The following MAST4 variants were observed in gnomAD, a reference collection of about 807,000 sequenced individuals.
The protein encoded by MAST4 is microtubule associated serine/threonine kinase family member 4.
Under a neutral mutation model 162.7 loss-of-function variants are expected in MAST4, and 89 were observed. That is an observed-to-expected ratio of 0.55 (90% CI 0.46 to 0.65). The LOEUF is 0.65. Ranked by LOEUF, MAST4 falls within the 30% of genes least tolerant of loss-of-function variation. The pLI is 0.00. For missense variants in MAST4, 3,153 were observed against 3,374.0 expected, an observed-to-expected ratio of 0.93 and a Z score of 1.62; for synonymous variants, 1,479 against 1,361.1, an observed-to-expected ratio of 1.09 and a Z score of -1.91.
intron 5 of MAST4, among the ~76,000 whole-genome samples, chr5:67,083,733 G>T (rs1762925632): frequency 6.6e-6 from 1 of 152,126 alleles, no homozygotes; most frequent in African/African-American, 2.4e-5. Context: ...TCATGAAATT[G>T]CATGATGCTT....
At chr5:66,665,364 G>A (rs1747186247) in intron 1 of MAST4, among the ~76,000 whole-genome samples, 1 of 152,124 alleles carries the variant, frequency 6.6e-6, no homozygotes, top group African/African-American at 2.4e-5. Flanking sequence ...GGATCCAGTG[G>A]CAAGAACAAG....
At chr5:66,602,314 C>T (rs956039981) in intron 1 of MAST4, among the ~76,000 whole-genome samples, 25 of 152,106 alleles carry the variant, frequency 1.6e-4, no homozygotes, top group Non-Finnish European at 2.9e-4. Flanking sequence ...GGTACTAACA[C>T]GCATTACCAG....
intron 7 of MAST4, among the ~76,000 whole-genome samples, chr5:67,097,512 G>A (rs775772795): frequency 6.6e-6 from 1 of 151,908 alleles, no homozygotes; most frequent in Non-Finnish European, 1.5e-5. Context: ...AATTTACATG[G>A]CATTTTTTCA....
intron 3 of MAST4, among the ~76,000 whole-genome samples, chr5:66,836,652 A>G (rs1757987035): frequency 6.6e-6 from 1 of 152,168 alleles, no homozygotes; most frequent in Admixed American, 6.5e-5. Flanking sequence ...AGCAACATGG[A>G]TGGACCTGGA....
At chr5:66,873,645 T>TGA (rs1046318341) in intron 3 of MAST4, among the ~76,000 whole-genome samples, 6 of 152,210 alleles carry the variant, frequency 3.9e-5, no homozygotes, top group African/African-American at 1.4e-4. Context: ...TGGACTTGGG[T>TGA]GATCATTTAA....
chr5:66,611,740 A>T (rs867464291), intron 1 of MAST4, among the ~76,000 whole-genome samples: 3 of 152,248 alleles, frequency 2.0e-5, no homozygotes, highest in Non-Finnish European at 4.4e-5. Context: ...AAAACCTGTA[A>T]TCAGATGGGC....
chr5:66,917,592 T>C (rs540042905), intron 4 of MAST4, among the ~76,000 whole-genome samples: 2 of 77,142 alleles, frequency 2.6e-5, no homozygotes, highest in East Asian at 2.6e-4. Context: ...AGGATTCTCT[T>C]TCTTTTTTTT....
At chr5:66,914,430 T>C (rs1368311449) in intron 4 of MAST4, among the ~76,000 whole-genome samples, 6 of 152,098 alleles carry the variant, frequency 3.9e-5, no homozygotes, top group African/African-American at 1.4e-4. Context: ...AGGGACGTAG[T>C]TGGGTGGGTG....
intron 3 of MAST4, among the ~76,000 whole-genome samples, chr5:66,834,188 A>C (rs2149766558): frequency 6.6e-6 from 1 of 152,258 alleles, no homozygotes; most frequent in Admixed American, 6.5e-5. Context: ...GGTTTGTTGT[A>C]AAAAGGATGA....
intron 4 of MAST4, among the ~76,000 whole-genome samples, chr5:66,926,620 A>T (rs529587464): frequency 1.3e-5 from 2 of 151,642 alleles, no homozygotes; most frequent in South Asian, 4.1e-4. Flanking sequence ...ATATGTATAT[A>T]TGTGTGTATA....
Position 67,165,126 on chromosome 5 carries a change from A to G in MAST4, c.5947A>G (p.Ser1983Gly). The G allele has an allele frequency of 1.3e-6, 2 of 1,589,320 alleles. No homozygotes were observed. Among genetic ancestry groups the G allele is most frequent in the Non-Finnish European group, 1.7e-6 (2 of 1,167,604 alleles). The change falls in exon 29 of 29, where the codon AGC becomes GGC. Residue 1983 changes from serine to glycine, a missense_variant. Physicochemically the swap from Ser to Gly is moderately conservative, Grantham distance 56 (BLOSUM62 0). Around this residue, in one of 7 missense-constraint regions of MAST4, gnomAD observed 1,644 missense variants for 1,495.0 expected, o/e 1.10. Transcript: ENST00000403625. Reference protein sequence around the residue: ...SSERGPPTARSERSAARADTC... With the variant: ...SSERGPPTARGERSAARADTC... ...TGAAAGAGGCCCTCCCACAGCCAGA[A>G]GCGAGCGCTCTGCTGCGAGGGCTGA...
chr5:66,900,757 C>T (rs148547713), intron 4 of MAST4, among the ~76,000 whole-genome samples: 47 of 152,162 alleles, frequency 3.1e-4, no homozygotes, highest in African/African-American at 1.1e-3. Flanking sequence ...TTGCAACTCT[C>T]CTCTTGGAGG....
At chr5:66,923,834 C>T (rs1451994331) in intron 4 of MAST4, among the ~76,000 whole-genome samples, 1 of 152,172 alleles carries the variant, frequency 6.6e-6, no homozygotes, top group African/African-American at 2.4e-5. Flanking sequence ...TGGCCTTGTA[C>T]ATAAAGGGAT....
chr5:66,838,800 A>G (rs1758214447), intron 3 of MAST4, among the ~76,000 whole-genome samples: 1 of 152,200 alleles, frequency 6.6e-6, no homozygotes. Context: ...AAGGAATTGC[A>G]AATAGTGCAT....
At chr5:66,676,273 C>T (rs1179765768) in intron 1 of MAST4, among the ~76,000 whole-genome samples, 2 of 152,056 alleles carry the variant, frequency 1.3e-5, no homozygotes, top group Admixed American at 1.3e-4. Context: ...ATGTCAGTTG[C>T]AAAGAGGGAG....
At chr5:67,038,728 A>AT (rs940087038) in intron 4 of MAST4, among the ~76,000 whole-genome samples, 11 of 152,068 alleles carry the variant, frequency 7.2e-5, no homozygotes, top group East Asian at 1.9e-4. Context: ...TGCTCATGTG[A>AT]TTTTTTTTAA....
chr5:67,131,292 A>G (rs994204784), intron 15 of MAST4, among the ~76,000 whole-genome samples: 9 of 152,142 alleles, frequency 5.9e-5, no homozygotes, highest in Non-Finnish European at 1.2e-4. Context: ...AACATTTATC[A>G]CACATTTAAT....
At chr5:67,015,383 T>A (rs1753161614) in intron 4 of MAST4, among the ~76,000 whole-genome samples, 1 of 152,240 alleles carries the variant, frequency 6.6e-6, no homozygotes, top group Admixed American at 6.5e-5. Flanking sequence ...TTCAGCCACT[T>A]AACAGGTTTG....
chr5:66,890,616 A>G (rs1300502612), intron 3 of MAST4, among the ~76,000 whole-genome samples: 1 of 152,230 alleles, frequency 6.6e-6, no homozygotes, highest in Non-Finnish European at 1.5e-5. Context: ...GCTTAGAAAG[A>G]GTTGCCAAGA....
Sources: allele counts gnomAD v4.1 joint callset (sites outside exome capture counted in the v4.1 genomes callset), GRCh38; gene constraint gnomAD v4.1.1; regional missense constraint gnomAD v4.1.1; transcripts MANE v1.5; gene names NCBI Gene and HGNC (gene_info 2026-07-23, HGNC 2026-07-21).